ANKIB1: variants seen among roughly 807,000 people sequenced by gnomAD.
The protein encoded by ANKIB1 is ankyrin repeat and IBR domain-containing protein 1.
ANKIB1 carries 43 observed loss-of-function variants against 122.1 expected under a neutral mutation model. The ratio of observed to expected loss-of-function variants is 0.35; its 90% CI spans 0.28 to 0.45. ANKIB1 has a LOEUF of 0.45. Ranked by LOEUF, ANKIB1 falls within the 20% of genes least tolerant of loss-of-function variation. ANKIB1 has a pLI of 1.00. For synonymous variants in ANKIB1, 390 were observed against 442.0 expected (o/e 0.88, Z 1.48); for missense variants, 992 against 1,329.5 (o/e 0.75, Z 3.95).
At chr7:92,272,583 A>T (rs1801820356) in intron 1 of ANKIB1, among the ~76,000 whole-genome samples, 1 of 152,228 alleles carries the variant, frequency 6.6e-6, no homozygotes, top group Non-Finnish European at 1.5e-5. Context: ...ACAGTTGTAC[A>T]GCAGGCCCAT....
intron 10 of ANKIB1, among the ~76,000 whole-genome samples, chr7:92,370,544 G>T (rs1471745297): frequency 2.9e-5 from 4 of 140,238 alleles, no homozygotes; most frequent in Non-Finnish European, 4.7e-5. Flanking sequence ...AAAAAAAGTT[G>T]GTTAATGGGG....
intron 12 of ANKIB1, 150 bp from the exon 13 acceptor site, chr7:92,387,648 A>AG: frequency 6.4e-6 from 4 of 624,414 alleles, no homozygotes; most frequent in Non-Finnish European, 8.4e-6. Context: ...AAAAAAAAAA[A>AG]CAAGTATTGT....
intron 1 of ANKIB1, among the ~76,000 whole-genome samples, chr7:92,293,026 A>C (rs1041585019): frequency 1.3e-5 from 2 of 152,254 alleles, no homozygotes; most frequent in African/African-American, 4.8e-5. Context: ...TACATATAGT[A>C]GTGGGCCAGC....
At chr7:92,383,871 G>A (rs973289697) in intron 11 of ANKIB1, among the ~76,000 whole-genome samples, 1 of 152,182 alleles carries the variant, frequency 6.6e-6, no homozygotes, top group African/African-American at 2.4e-5. Context: ...ATTCAACATA[G>A]TGTTGGAAGT....
chr7:92,381,009 A>C, intron 11 of ANKIB1, among the ~76,000 whole-genome samples: 1 of 152,204 alleles, frequency 6.6e-6, no homozygotes, highest in East Asian at 1.9e-4. Context: ...AAAACCTTGA[A>C]AAAAGATTAG....
chr7:92,324,300 C>T (rs1802976563), intron 4 of ANKIB1, among the ~76,000 whole-genome samples: 1 of 152,202 alleles, frequency 6.6e-6, no homozygotes, highest in Admixed American at 6.5e-5. Flanking sequence ...GTAGTGCGAT[C>T]TCAGCTCACT....
At chr7:92,371,670 A>T (rs1804257477) in intron 11 of ANKIB1, 63 bp downstream of exon 11, 1 of 1,526,190 alleles carries the variant, frequency 6.6e-7, no homozygotes, top group East Asian at 2.4e-5. Context: ...TTTGATTGTC[A>T]ATCCAAAGGA....
chr7:92,383,535 A>T (rs1804566695), intron 11 of ANKIB1, among the ~76,000 whole-genome samples: 1 of 152,214 alleles, frequency 6.6e-6, no homozygotes, highest in Non-Finnish European at 1.5e-5. Flanking sequence ...CAAAAAGCTT[A>T]TCCACCAAGA....
intron 11 of ANKIB1, among the ~76,000 whole-genome samples, chr7:92,380,349 T>G (rs527883964): frequency 3.3e-5 from 5 of 152,318 alleles, no homozygotes; most frequent in African/African-American, 1.2e-4. Context: ...CAGACTTTGA[T>G]GTCCCTGTCC....
chr7:92,250,156 G>A (rs1382189745), intron 1 of ANKIB1, among the ~76,000 whole-genome samples: 2 of 152,186 alleles, frequency 1.3e-5, no homozygotes, highest in African/African-American at 4.8e-5. Context: ...AACTTTGGGA[G>A]GCTGAGGCAG....
At chr7:92,371,400 G>C (rs1200784426) in intron 10 of ANKIB1, 77 bp from the exon 11 acceptor site, 3 of 1,288,876 alleles carry the variant, frequency 2.3e-6, no homozygotes, top group Non-Finnish European at 1.1e-6. Flanking sequence ...GCAAAGAAAA[G>C]TGTGGAGGGT....
chr7:92,391,025 A>G (rs1283437977), intron 15 of ANKIB1, 141 bp from the exon 16 acceptor site: 1 of 526,916 alleles, frequency 1.9e-6, no homozygotes, highest in African/African-American at 1.9e-5. Flanking sequence ...AAAATATATT[A>G]CATAGGAAGT....
chr7:92,252,496 C>T (rs1026726812), intron 1 of ANKIB1, among the ~76,000 whole-genome samples: 6 of 151,138 alleles, frequency 4.0e-5, no homozygotes, highest in Non-Finnish European at 8.8e-5. Context: ...AAGCAATTCT[C>T]CTGCCTCAGC....
intron 1 of ANKIB1, among the ~76,000 whole-genome samples, chr7:92,255,367 C>T (rs1801415120): frequency 6.6e-6 from 1 of 152,156 alleles, no homozygotes; most frequent in African/African-American, 2.4e-5. Context: ...GGATTATTTT[C>T]CTCAAGTAAT....
intron 3 of ANKIB1, among the ~76,000 whole-genome samples, chr7:92,317,079 G>C (rs1714305996): frequency 6.6e-6 from 1 of 152,098 alleles, no homozygotes; most frequent in Admixed American, 6.6e-5. Context: ...TTTGTGTTTA[G>C]GTGTTGGTAA....
chr7:92,257,121 C>G (rs1801463391), intron 1 of ANKIB1, among the ~76,000 whole-genome samples: 1 of 149,724 alleles, frequency 6.7e-6, no homozygotes, highest in Non-Finnish European at 1.5e-5. Flanking sequence ...ACCTGAGAGG[C>G]GGAGCTTGCA....
chr7:92,351,062 A>G lies in ANKIB1; in HGVS notation c.1198A>G (p.Met400Val). The G allele has an allele frequency of 6.3e-7, 1 of 1,585,898 alleles. No individual in the cohort carries two copies. The highest frequency in any genetic ancestry group is 8.6e-7 in the Non-Finnish European group (1 of 1,165,112). Residue 400 changes from methionine (M) to valine (V), a missense_variant, in exon 8 of 20, where the codon ATG becomes GTG. By Grantham distance (21) the Met-to-Val change is conservative (BLOSUM62 1). This residue lies in a region of ANKIB1 where 521 missense variants were observed against 777.7 expected (regional missense o/e 0.67). Coordinates refer to ENST00000265742, the MANE Select transcript of ANKIB1 (RefSeq NM_019004.2). Reference sequence around the variant, plus strand: ...CATAGAAAGTGTAGTTTCAAAGGAGATGGACAAACGATACCTACAGTTTGA... The same window carrying G: ...CATAGAAAGTGTAGTTTCAAAGGAGGTGGACAAACGATACCTACAGTTTGA... The part of the protein sequence containing the change: ...DIIESVVSKE[M>V]DKRYLQFDIK...
chr7:92,270,295 T>G (rs1801760814), intron 1 of ANKIB1, among the ~76,000 whole-genome samples: 1 of 152,106 alleles, frequency 6.6e-6, no homozygotes, highest in South Asian at 2.1e-4. Flanking sequence ...ACTCCTGGGC[T>G]CAAGCAATCC....
Position 92,307,620 on chromosome 7 carries a change from CTATGCTG to C in ANKIB1, c.451_457del (p.Tyr151LeufsTer5). ...ATAACAAAAAAAACACACCCTTGCA[CTATGCTG>C]CTGCCTCAGGGATGAAAGCCTGTGT... On this transcript the variant is annotated frameshift_variant, in exon 3 of 20. Coordinates refer to ENST00000265742, the MANE Select transcript of ANKIB1 (RefSeq NM_019004.2). LOFTEE classifies it high-confidence loss of function. 6.2e-7 allele frequency: 1 copy of C among 1,610,704 alleles called. No homozygotes were observed. Among genetic ancestry groups the C allele is most frequent in the South Asian group, 1.1e-5 (1 of 90,790 alleles).
Sources: gnomAD v4.1 joint callset for allele counts (sites outside exome capture counted in the v4.1 genomes callset) on GRCh38, gnomAD v4.1.1 for gene constraint, gnomAD v4.1.1 regional missense constraint, MANE v1.5 for transcripts, NCBI Gene and HGNC (gene_info 2026-07-23, HGNC 2026-07-21) for gene names.